DLC1: variants seen among roughly 807,000 people sequenced by gnomAD.
DLC1 encodes rho GTPase-activating protein 7.
In DLC1, 54 loss-of-function variants were observed where a neutral mutation model predicts 140.3. That is an observed-to-expected ratio of 0.38 (90% CI 0.31 to 0.48). The LOEUF is 0.48. Among genes scored for constraint, DLC1 ranks in the 20% least tolerant of loss-of-function variants. The probability of loss-of-function intolerance (pLI) is 0.96; values close to 1 mark genes in which losing one functional copy is unlikely to be tolerated. For missense variants in DLC1, 2,536 were observed against 1,907.0 expected (o/e 1.33, Z -6.14); for synonymous variants, 986 against 728.1 (o/e 1.35, Z -5.70).
intron 4 of DLC1, among the ~76,000 whole-genome samples, chr8:13,381,071 G>A (rs773402643): frequency 6.6e-6 from 1 of 152,156 alleles, no homozygotes; most frequent in Non-Finnish European, 1.5e-5. Context: ...TGTAGTGTGG[G>A]AGACACAGGA....
At chr8:13,343,511 C>G (rs1397434954) in intron 4 of DLC1, among the ~76,000 whole-genome samples, 1 of 152,246 alleles carries the variant, frequency 6.6e-6, no homozygotes, top group African/African-American at 2.4e-5. Context: ...CTACTCTGCA[C>G]AAGAATGTAC....
intron 1 of DLC1, among the ~76,000 whole-genome samples, chr8:13,601,859 A>G (rs1805898706): frequency 6.6e-6 from 1 of 151,820 alleles, no homozygotes; most frequent in South Asian, 2.1e-4. Flanking sequence ...TATAACCCAG[A>G]TGCAATATTT....
intron 1 of DLC1, among the ~76,000 whole-genome samples, chr8:13,588,385 C>T (rs547442656): frequency 1.9e-3 from 290 of 152,038 alleles, no homozygotes; most frequent in South Asian, 3.7e-3. Context: ...TGGTGTATGA[C>T]ATTTAGGTGA....
chr8:13,281,643 C>T (rs1221015336), intron 5 of DLC1, among the ~76,000 whole-genome samples: 2 of 152,130 alleles, frequency 1.3e-5, no homozygotes, highest in African/African-American at 4.8e-5. Flanking sequence ...ACTTGCTCTA[C>T]AACTTCTGAT....
Position 13,376,983 on chromosome 8 carries a change from G to C in DLC1, c.1314+16570C>G, listed in dbSNP as rs575341197. Among the ~76,000 whole-genome samples, 14 of 152,330 alleles carry C rather than the reference G, an allele frequency of 9.2e-5. No homozygotes were observed. In the South Asian group the frequency reaches 2.9e-3, roughly 32 times the overall value. ...AGGAAAAAAAATCTGGTAGAAACCA[G>C]TGACAAAAAGCAGTAGCTAATGAAT... On this transcript the variant is annotated intron_variant, in intron 4 of 17. Coordinates refer to ENST00000276297, the MANE Select transcript of DLC1 (RefSeq NM_182643.3).
intron 5 of DLC1, among the ~76,000 whole-genome samples, chr8:13,302,711 C>CAAAAAAAAA (rs376892685): frequency 8.2e-6 from 1 of 122,524 alleles, no homozygotes; most frequent in African/African-American, 3.0e-5. Context: ...TAGAAAGATA[C>CAAAAAAAAA]AAAAAAAAAA....
intron 1 of DLC1, among the ~76,000 whole-genome samples, chr8:13,553,795 A>T (rs1266560834): frequency 1.3e-5 from 2 of 152,142 alleles, no homozygotes. Context: ...GATTCTTGTC[A>T]AGGTCACCCA....
Position 13,397,141 on chromosome 8 carries a change from A to T in DLC1, c.1174-3448T>A, listed in dbSNP as rs145414683. Among the ~76,000 whole-genome samples, 268 of 152,210 alleles carry T rather than the reference A, an allele frequency of 1.8e-3. 1 individual carries two copies. The highest frequency in any genetic ancestry group is 5.8e-3 in the African/African-American group (239 of 41,538). ...ATACCACTCAACTCTGGCCCAGGGAAGGGTGCATCTTGTGATCCATTGGTT... is the reference window on the plus strand; with the variant it reads ...ATACCACTCAACTCTGGCCCAGGGATGGGTGCATCTTGTGATCCATTGGTT... On this transcript the variant is annotated intron_variant, in intron 3 of 17. Transcript: ENST00000276297.
chr8:13,574,316 C>G (rs568826027), intron 1 of DLC1, among the ~76,000 whole-genome samples: 2 of 152,226 alleles, frequency 1.3e-5, no homozygotes, highest in South Asian at 2.1e-4. Context: ...AGAAAGTTAT[C>G]TATTATTAAT....
At chr8:13,297,282 T>TAAAAAAAAAAAAAAAAA (rs60048506) in intron 5 of DLC1, among the ~76,000 whole-genome samples, 113 of 9,626 alleles carry the variant, frequency 0.012, 29 homozygotes, top group African/African-American at 0.025. Context: ...CTTCATACAT[T>TAAAAAAAAAAAAAAAAA]AAAAAAAAAA....
Position 13,243,668 on chromosome 8 carries a change from C to T in DLC1, c.1348+61601G>A, listed in dbSNP as rs568928721. ...TTGTCACTGTTGTACTAAAAATTGT[C>T]ATCAGTATTTGAGTTCCACTTTCTC... is the stretch of plus-strand genomic sequence containing the variant. On this transcript the variant is annotated intron_variant, in intron 5 of 17. Coordinates refer to ENST00000276297, the MANE Select transcript of DLC1 (RefSeq NM_182643.3). Among the ~76,000 whole-genome samples, 12 of 152,178 alleles carry T rather than the reference C, an allele frequency of 7.9e-5. No homozygotes were observed. The South Asian group carries it at 2.5e-3, about 32-fold the overall frequency.
chr8:13,461,282 A>G (rs1799644257), intron 2 of DLC1, among the ~76,000 whole-genome samples: 2 of 152,378 alleles, frequency 1.3e-5, no homozygotes, highest in East Asian at 3.9e-4. Flanking sequence ...GGGTATTTGT[A>G]TCCCATACCA....
At chr8:13,335,664 A>C (rs1271282945) in intron 4 of DLC1, among the ~76,000 whole-genome samples, 1 of 150,464 alleles carries the variant, frequency 6.6e-6, no homozygotes, top group Non-Finnish European at 1.5e-5. Flanking sequence ...GATCTCCAAG[A>C]AGTGTAGGAT....
chr8:13,288,655 A>C (rs1416635386), intron 5 of DLC1, among the ~76,000 whole-genome samples: 1 of 152,210 alleles, frequency 6.6e-6, no homozygotes, highest in East Asian at 1.9e-4. Flanking sequence ...TCCTCAAAGG[A>C]TGTGCCATCA....
In DLC1 at chr8:13,563,202, C is replaced by T. The variant is rs529362055; in HGVS notation, c.-126+41335G>A. Among the ~76,000 whole-genome samples, 59 of 152,200 alleles carry T rather than the reference C, an allele frequency of 3.9e-4. No homozygotes were observed. In the South Asian group the frequency reaches 0.011, roughly 29 times the overall value. On this transcript the variant is annotated intron_variant, in intron 1 of 1. Coordinates refer to the DLC1 transcript ENST00000631382. ...ACGTTAGCCAAATGCAGTCAGTGGA[C>T]CTTGTTTGGATCCTGATTCTAACAC...
chr8:13,191,324 T>C (rs1826740569), intron 5 of DLC1, among the ~76,000 whole-genome samples: 1 of 152,168 alleles, frequency 6.6e-6, no homozygotes, highest in African/African-American at 2.4e-5. Context: ...CTGGCCAACA[T>C]GGTGAAACTC....
intron 4 of DLC1, among the ~76,000 whole-genome samples, chr8:13,352,435 G>T (rs1335285393): frequency 6.6e-6 from 1 of 152,140 alleles, no homozygotes; most frequent in Non-Finnish European, 1.5e-5. Flanking sequence ...CAGCTGGACT[G>T]CAGTGGGGTG....
At chr8:13,469,099 G>C (rs538926494) in intron 2 of DLC1, among the ~76,000 whole-genome samples, 4 of 152,106 alleles carry the variant, frequency 2.6e-5, no homozygotes, top group African/African-American at 9.7e-5. Context: ...GATTACAGGC[G>C]TGAGCCACCG....
rs571133487 is a variant in DLC1 at position 13,581,140 on chromosome 8, G to C, written c.-126+23397C>G. Among the ~76,000 whole-genome samples the C allele has an allele frequency of 2.6e-5, 4 of 152,314 alleles. No homozygotes were observed. In the South Asian group the frequency reaches 8.3e-4, roughly 32 times the overall value. ...TTGCAAGGAATTAAGACATCTGCAT[G>C]CCTGGGAGATCTCATTCAGTCAGGG... On this transcript the variant is annotated intron_variant, in intron 1 of 1. Transcript: ENST00000631382.
Sources: gnomAD v4.1 joint callset for allele counts (sites outside exome capture counted in the v4.1 genomes callset) on GRCh38, gnomAD v4.1.1 for gene constraint, MANE v1.5 for transcripts, NCBI Gene and HGNC (gene_info 2026-07-23, HGNC 2026-07-21) for gene names.